RORB: variants seen among roughly 807,000 people sequenced by gnomAD.
RORB encodes nuclear receptor ROR-beta.
Under a neutral mutation model 59.1 loss-of-function variants are expected in RORB, and 6 were observed. The ratio of observed to expected loss-of-function variants is 0.10; its 90% CI spans 0.06 to 0.20. The LOEUF is 0.20. Ranked by LOEUF, RORB falls within the 10% of genes least tolerant of loss-of-function variation. The pLI, the probability that RORB is intolerant of heterozygous loss-of-function variation, is 1.00. For missense variants in RORB, 320 were observed against 560.5 expected (o/e 0.57, Z 4.33); for synonymous variants, 215 against 204.5 (o/e 1.05, Z -0.44).
At chr9:74,581,627 A>G (rs1181181191) in intron 1 of RORB, among the ~76,000 whole-genome samples, 1 of 152,156 alleles carries the variant, frequency 6.6e-6, no homozygotes, top group Non-Finnish European at 1.5e-5. Context: ...ATAAAATGTG[A>G]GCCTAAATCT....
intron 1 of RORB, among the ~76,000 whole-genome samples, chr9:74,623,967 T>C (rs1421569416): frequency 1.3e-5 from 2 of 152,222 alleles, no homozygotes; most frequent in Non-Finnish European, 1.5e-5. Context: ...TTAATGATTA[T>C]ACTAATTGCT....
intron 4 of RORB, among the ~76,000 whole-genome samples, chr9:74,652,369 C>T (rs1824008037): frequency 6.6e-6 from 1 of 152,142 alleles, no homozygotes; most frequent in South Asian, 2.1e-4. Context: ...GATGGCACCA[C>T]TGCACTCCAG....
chr9:74,574,937 A>G (rs1822609728), intron 1 of RORB, among the ~76,000 whole-genome samples: 1 of 152,110 alleles, frequency 6.6e-6, no homozygotes, highest in Non-Finnish European at 1.5e-5. Flanking sequence ...AGCTAAGCGT[A>G]TATGGGACTG....
At chr9:74,622,897 A>G (rs1230011716) in intron 1 of RORB, among the ~76,000 whole-genome samples, 1 of 152,128 alleles carries the variant, frequency 6.6e-6, no homozygotes, top group Non-Finnish European at 1.5e-5. Context: ...GGGAAGGCCA[A>G]TGCTACTGGT....
chr9:74,540,026 TAGAG>T (rs1826380520), intron 1 of RORB, among the ~76,000 whole-genome samples: 1 of 152,128 alleles, frequency 6.6e-6, no homozygotes, highest in African/African-American at 2.4e-5. Flanking sequence ...TTCAGTGTGA[TAGAG>T]AGGGAAGACT....
chr9:74,499,872 C>G (rs1436653913), intron 1 of RORB, among the ~76,000 whole-genome samples: 2 of 152,116 alleles, frequency 1.3e-5, no homozygotes, highest in Non-Finnish European at 2.9e-5. Context: ...CACCTCAGCT[C>G]GGACCCAGCA....
intron 4 of RORB, among the ~76,000 whole-genome samples, chr9:74,651,647 G>A (rs1356510395): frequency 6.6e-6 from 1 of 152,102 alleles, no homozygotes; most frequent in Non-Finnish European, 1.5e-5. Context: ...TGCAGATGGA[G>A]GATCAAACCC....
At chr9:74,668,094 C>T (rs368894131) in intron 8 of RORB, among the ~76,000 whole-genome samples, 193 bp downstream of exon 8, 7 of 151,976 alleles carry the variant, frequency 4.6e-5, no homozygotes, top group African/African-American at 1.7e-4. Context: ...AATTTTGGCC[C>T]GAAAGCAAGA....
intron 4 of RORB, among the ~76,000 whole-genome samples, chr9:74,660,142 C>A (rs1824156866): frequency 6.6e-6 from 1 of 151,898 alleles, no homozygotes; most frequent in African/African-American, 2.4e-5. Flanking sequence ...CTATACATAG[C>A]CTTTCTTTTA....
intron 1 of RORB, among the ~76,000 whole-genome samples, chr9:74,502,769 G>A (rs1170642629): frequency 6.6e-6 from 1 of 152,004 alleles, no homozygotes; most frequent in African/African-American, 2.4e-5. Context: ...AACATATTAG[G>A]AAATAAGAAT....
rs148130809 is a variant in RORB, at chr9:74,520,972, A to G, written c.7+22989A>G. On this transcript the variant is annotated intron_variant, in intron 1 of 9. Coordinates refer to ENST00000376896, the MANE Select transcript of RORB (RefSeq NM_006914.4). The stretch of plus-strand genomic sequence containing the variant: ...GTGTTAAATTGAGGCAATCATCTTC[A>G]TGTGGCTAACCCTGTATTTAGTTTA... 3.3e-3 allele frequency among the ~76,000 whole-genome samples: 503 copies of G among 152,012 alleles called. 3 individuals carry two copies. The highest frequency in any genetic ancestry group is 5.5e-3 in the Non-Finnish European group (372 of 67,884).
At chr9:74,527,650 A>T (rs1203213996) in intron 1 of RORB, among the ~76,000 whole-genome samples, 1 of 152,032 alleles carries the variant, frequency 6.6e-6, no homozygotes, top group Non-Finnish European at 1.5e-5. Context: ...TTTACAGAAG[A>T]GAGAACACAA....
At chr9:74,545,230 C>T (rs567638941) in intron 1 of RORB, among the ~76,000 whole-genome samples, 1 of 152,078 alleles carries the variant, frequency 6.6e-6, no homozygotes, top group East Asian at 1.9e-4. Flanking sequence ...GCCCTCCCTT[C>T]CAATTTTGTG....
intron 1 of RORB, among the ~76,000 whole-genome samples, chr9:74,621,123 T>C (rs1156336471): frequency 7.9e-5 from 12 of 152,204 alleles, no homozygotes; most frequent in Admixed American, 7.9e-4. Context: ...CCAATACTGA[T>C]ACATTATTAT....
At chr9:74,658,380 C>A (rs59894901) in intron 4 of RORB, among the ~76,000 whole-genome samples, 31,931 of 152,126 alleles carry the variant, frequency 0.21, 3,598 homozygotes, top group South Asian at 0.31. Context: ...ATTTCCTTAA[C>A]CTTCCCACGT....
At chr9:74,657,702 A>T (rs1459705703) in intron 4 of RORB, among the ~76,000 whole-genome samples, 1 of 152,114 alleles carries the variant, frequency 6.6e-6, no homozygotes, top group Non-Finnish European at 1.5e-5. Context: ...TTATTGTAAG[A>T]TACTTTAAAA....
intron 1 of RORB, among the ~76,000 whole-genome samples, chr9:74,575,101 G>C (rs1397203921): frequency 1.3e-5 from 2 of 151,920 alleles, no homozygotes; most frequent in East Asian, 3.9e-4. Context: ...TTAAATACCT[G>C]GACTGATACA....
At chr9:74,501,051 A>G (rs1267397608) in intron 1 of RORB, among the ~76,000 whole-genome samples, 1 of 152,142 alleles carries the variant, frequency 6.6e-6, no homozygotes, top group African/African-American at 2.4e-5. Context: ...TGTGGGTTTC[A>G]GGGTTCCTTC....
chr9:74,631,474 C>G (rs1021775964), intron 2 of RORB, among the ~76,000 whole-genome samples: 1 of 152,134 alleles, frequency 6.6e-6, no homozygotes, highest in African/African-American at 2.4e-5. Flanking sequence ...AAGATCTAAT[C>G]TTAATCTTAA....
Sources: gnomAD v4.1 joint callset for allele counts (sites outside exome capture counted in the v4.1 genomes callset) on GRCh38, gnomAD v4.1.1 for gene constraint, MANE v1.5 for transcripts, NCBI Gene and HGNC (gene_info 2026-07-23, HGNC 2026-07-21) for gene names.